Variants in METTL25 observed in about 807,000 individuals in gnomAD.
METTL25 encodes probable methyltransferase-like protein 25.
A neutral mutation model predicts 71.6 loss-of-function variants in METTL25; 64 were observed. The ratio of observed to expected loss-of-function variants is 0.89; its 90% CI spans 0.73 to 1.10. The LOEUF is 1.10. Ranked by LOEUF, METTL25 falls within the 50% of genes least tolerant of loss-of-function variation. The pLI is 0.00. For synonymous variants in METTL25, 287 were observed against 250.3 expected, an observed-to-expected ratio of 1.15 and a Z score of -1.38; for missense variants, 807 against 707.0, an observed-to-expected ratio of 1.14 and a Z score of -1.60.
intron 5 of METTL25, among the ~76,000 whole-genome samples, chr12:82,428,161 G>A (rs774539750): frequency 1.3e-5 from 2 of 151,856 alleles, no homozygotes; most frequent in South Asian, 2.1e-4. Flanking sequence ...TTTTAAGTAC[G>A]TGACCTGGAA....
At chr12:82,404,826 C>T (rs1243769483) in intron 5 of METTL25, among the ~76,000 whole-genome samples, 1 of 152,006 alleles carries the variant, frequency 6.6e-6, no homozygotes, top group African/African-American at 2.4e-5. Flanking sequence ...CGCCTGTAAT[C>T]GCAGCTACCC....
intron 7 of METTL25, among the ~76,000 whole-genome samples, chr12:82,436,879 A>T (rs1304076232): frequency 6.6e-6 from 1 of 151,642 alleles, no homozygotes; most frequent in Non-Finnish European, 1.5e-5. Flanking sequence ...TTTGTAAGCC[A>T]TTTATAGTAC....
intron 5 of METTL25, among the ~76,000 whole-genome samples, chr12:82,407,532 A>C (rs1887197944): frequency 6.6e-6 from 1 of 152,166 alleles, no homozygotes; most frequent in Non-Finnish European, 1.5e-5. Context: ...AAACAATGCT[A>C]GGCTTCAGTG....
intron 5 of METTL25, among the ~76,000 whole-genome samples, chr12:82,418,003 C>T (rs1198019867): frequency 6.6e-6 from 1 of 152,032 alleles, no homozygotes; most frequent in East Asian, 1.9e-4. Flanking sequence ...ATAGCTAAAA[C>T]AGTGTTGTGA....
At chr12:82,419,693 T>TTAAA (rs111968764) in intron 5 of METTL25, among the ~76,000 whole-genome samples, 3 of 145,248 alleles carry the variant, frequency 2.1e-5, no homozygotes, top group Non-Finnish European at 4.5e-5. Context: ...TGACTGCTAT[T>TTAAA]AAAAAAAAAA....
At chr12:82,465,429 G>A (rs1246479746) in intron 9 of METTL25, among the ~76,000 whole-genome samples, 2 of 151,868 alleles carry the variant, frequency 1.3e-5, no homozygotes, top group Non-Finnish European at 2.9e-5. Flanking sequence ...TGTTGAAGCA[G>A]CCATGCATTC....
intron 7 of METTL25, among the ~76,000 whole-genome samples, chr12:82,437,431 C>T (rs1057497963): frequency 6.6e-6 from 1 of 151,516 alleles, no homozygotes; most frequent in Non-Finnish European, 1.5e-5. Context: ...TGTTCACTAG[C>T]GACTTCAGAG....
intron 1 of METTL25, among the ~76,000 whole-genome samples, chr12:82,384,675 G>T (rs997726295): frequency 1.3e-5 from 2 of 151,658 alleles, no homozygotes; most frequent in African/African-American, 4.8e-5. Context: ...TTCTGAAATT[G>T]CTGAGACCTG....
intron 11 of METTL25, 71 bp from the exon 12 acceptor site, chr12:82,478,861 A>G (rs1592792184): frequency 1.6e-5 from 19 of 1,176,446 alleles, no homozygotes; most frequent in Non-Finnish European, 2.4e-5. Flanking sequence ...ATTACAATAT[A>G]TAATCCAACT....
intron 7 of METTL25, among the ~76,000 whole-genome samples, chr12:82,435,954 A>T (rs1466450705): frequency 6.6e-6 from 1 of 151,482 alleles, no homozygotes; most frequent in Admixed American, 6.6e-5. Context: ...ATCCCATGAT[A>T]CACATGAAGA....
At chr12:82,414,104 A>G (rs1323714341) in intron 5 of METTL25, among the ~76,000 whole-genome samples, 1 of 152,116 alleles carries the variant, frequency 6.6e-6, no homozygotes, top group Non-Finnish European at 1.5e-5. Flanking sequence ...TGGTGTGGCT[A>G]GTGTAGGTAT....
chr12:82,396,922 T>C (rs1886133996), intron 3 of METTL25, among the ~76,000 whole-genome samples: 1 of 152,134 alleles, frequency 6.6e-6, no homozygotes, highest in Admixed American at 6.6e-5. Flanking sequence ...TGTGTATTAA[T>C]GCCTTGTTCC....
At chr12:82,383,787 T>G (rs1473386266) in intron 1 of METTL25, among the ~76,000 whole-genome samples, 1 of 152,206 alleles carries the variant, frequency 6.6e-6, no homozygotes, top group African/African-American at 2.4e-5. Flanking sequence ...GCCTTGAGAT[T>G]TTTATAATCC....
chr12:82,451,213 A>C (rs1345990551), intron 8 of METTL25: 1 of 732,910 alleles, frequency 1.4e-6, no homozygotes, highest in East Asian at 1.3e-4. Flanking sequence ...GAATTTCTTA[A>C]AAGTGAATGC....
chr12:82,361,971 TCA>T (rs1231822799), intron 1 of METTL25, among the ~76,000 whole-genome samples: 3 of 152,182 alleles, frequency 2.0e-5, no homozygotes, highest in Non-Finnish European at 4.4e-5. Flanking sequence ...CTGTCACCTC[TCA>T]GTCTTCTGCT....
intron 4 of METTL25, among the ~76,000 whole-genome samples, chr12:82,402,550 C>T (rs1886722731): frequency 6.6e-6 from 1 of 151,900 alleles, no homozygotes; most frequent in Non-Finnish European, 1.5e-5. Context: ...AAAGAGATCA[C>T]AGTTATTTTA....
chr12:82,401,351 T>C (rs1177425887), intron 4 of METTL25, among the ~76,000 whole-genome samples: 3 of 152,128 alleles, frequency 2.0e-5, no homozygotes, highest in Non-Finnish European at 4.4e-5. Context: ...TAATTTAAAG[T>C]AAATTACAAT....
intron 6 of METTL25, among the ~76,000 whole-genome samples, chr12:82,431,687 C>A (rs540344762): frequency 6.6e-6 from 1 of 151,474 alleles, no homozygotes; most frequent in Admixed American, 6.6e-5. Flanking sequence ...ATAATCATTT[C>A]ACTAGATATA....
At chr12:82,427,466 C>A (rs543612692) in intron 5 of METTL25, among the ~76,000 whole-genome samples, 16 of 151,848 alleles carry the variant, frequency 1.1e-4, no homozygotes, top group African/African-American at 3.6e-4. Flanking sequence ...ATATGCTGTA[C>A]CCCTTTCAAT....
Sources: gnomAD v4.1 joint callset for allele counts (sites outside exome capture counted in the v4.1 genomes callset) on GRCh38, gnomAD v4.1.1 for gene constraint, MANE v1.5 for transcripts, NCBI Gene and HGNC (gene_info 2026-07-23, HGNC 2026-07-21) for gene names.